The following MYO10 variants were observed in gnomAD, a reference collection of about 807,000 sequenced individuals.
The protein encoded by MYO10 is unconventional myosin-X.
Under a neutral mutation model 257.3 loss-of-function variants are expected in MYO10, and 133 were observed. The observed-to-expected ratio is 0.52, with a 90% confidence interval of 0.45 to 0.60. The LOEUF (loss-of-function observed/expected upper bound fraction) is 0.60. Ranked by LOEUF, MYO10 falls within the 20% of genes least tolerant of loss-of-function variation. The pLI is 0.00. For missense variants in MYO10, 2,399 were observed against 2,635.7 expected (o/e 0.91, Z 1.97); for synonymous variants, 1,104 against 1,028.6 (o/e 1.07, Z -1.40).
chr5:16,880,120 C>T (rs1744715572), intron 1 of MYO10, among the ~76,000 whole-genome samples: 2 of 152,152 alleles, frequency 1.3e-5, no homozygotes. Flanking sequence ...GCAGAGGTTA[C>T]ACTGAATTGA....
At chr5:16,919,073 G>A (rs1349669044) in intron 1 of MYO10, among the ~76,000 whole-genome samples, 2 of 151,986 alleles carry the variant, frequency 1.3e-5, no homozygotes, top group South Asian at 2.1e-4. Flanking sequence ...CTATTCTTCC[G>A]ACTTCAAAAG....
rs1011040804 is a variant in MYO10 at position 16,733,562 on chromosome 5, A to C, written c.1929+21266T>G. 7.9e-5 allele frequency among the ~76,000 whole-genome samples: 12 copies of C among 152,142 alleles called. 1 individual carries two copies. The highest frequency in any genetic ancestry group is 7.9e-4 in the Admixed American group (12 of 15,268). The stretch of plus-strand genomic sequence containing the variant: ...TAAATTCTGCTTTCCAGAAGGAAGG[A>C]AGGCCTGGTGGGAAGAGGGTATTGG... On this transcript the variant is annotated intron_variant, in intron 19 of 40. Coordinates refer to ENST00000513610, the MANE Select transcript of MYO10 (RefSeq NM_012334.3).
intron 39 of MYO10, among the ~76,000 whole-genome samples, chr5:16,669,725 AG>A (rs1216236057): frequency 1.3e-5 from 2 of 152,238 alleles, no homozygotes; most frequent in African/African-American, 4.8e-5. Flanking sequence ...TATAATATTT[AG>A]AATTTTATAC....
chr5:16,684,477 C>T (rs1737152170), intron 29 of MYO10, among the ~76,000 whole-genome samples: 1 of 152,184 alleles, frequency 6.6e-6, no homozygotes, highest in Non-Finnish European at 1.5e-5. Context: ...CTGGCGGCCT[C>T]AAGTGATCCA....
At chr5:16,724,134 G>T (rs898732713) in intron 19 of MYO10, among the ~76,000 whole-genome samples, 2 of 152,136 alleles carry the variant, frequency 1.3e-5, no homozygotes, top group Non-Finnish European at 2.9e-5. Flanking sequence ...TAAATGAATC[G>T]ACCTCACTAA....
intron 19 of MYO10, among the ~76,000 whole-genome samples, chr5:16,751,906 C>A (rs958280732): frequency 2.0e-5 from 3 of 152,124 alleles, no homozygotes; most frequent in African/African-American, 7.2e-5. Context: ...CAAATGCAAA[C>A]GTGAGGTTGA....
chr5:16,861,430 G>A (rs1744105382), intron 2 of MYO10, among the ~76,000 whole-genome samples: 3 of 152,064 alleles, frequency 2.0e-5, no homozygotes, highest in Admixed American at 2.0e-4. Flanking sequence ...AATTAGCAAG[G>A]CATGGTGGGC....
chr5:16,805,120 G>C (rs1277245410), intron 3 of MYO10, among the ~76,000 whole-genome samples: 1 of 152,082 alleles, frequency 6.6e-6, no homozygotes, highest in Non-Finnish European at 1.5e-5. Flanking sequence ...GCTGGAGGTG[G>C]GGAAAGAGCT....
intron 4 of MYO10, among the ~76,000 whole-genome samples, chr5:16,784,057 A>G (rs552267460): frequency 6.6e-6 from 1 of 152,320 alleles, no homozygotes; most frequent in South Asian, 2.1e-4. Context: ...AAGTCCTGCC[A>G]AGGTCACGTG....
intron 39 of MYO10, 146 bp from the exon 40 acceptor site, chr5:16,668,614 A>T: frequency 1.7e-6 from 1 of 574,382 alleles, no homozygotes; most frequent in South Asian, 3.8e-5. Context: ...AGGGGCCTGA[A>T]ATATGAAAAA....
chr5:16,854,807 A>G (rs2625204), intron 2 of MYO10, among the ~76,000 whole-genome samples: 94,841 of 151,730 alleles, frequency 0.63, 30,385 homozygotes, highest in African/African-American at 0.78. Flanking sequence ...TGAGGCAGGT[A>G]GACTCCCTGA....
At chr5:16,859,694 C>G (rs1462960093) in intron 2 of MYO10, among the ~76,000 whole-genome samples, 1 of 152,152 alleles carries the variant, frequency 6.6e-6, no homozygotes, top group Non-Finnish European at 1.5e-5. Flanking sequence ...CTGTAGTGAG[C>G]CATGATCATG....
At chr5:16,736,526 G>A (rs1739812002) in intron 19 of MYO10, among the ~76,000 whole-genome samples, 1 of 152,132 alleles carries the variant, frequency 6.6e-6, no homozygotes, top group African/African-American at 2.4e-5. Flanking sequence ...GTCAAATGAT[G>A]TCACGACCAG....
chr5:16,904,508 G>C (rs10474725), intron 1 of MYO10, among the ~76,000 whole-genome samples: 6,543 of 152,252 alleles, frequency 0.043, 470 homozygotes, highest in African/African-American at 0.15. Context: ...CAACCTGTGG[G>C]GTCTGACGCC....
At chr5:16,671,990 A>C (rs1342100341) in intron 37 of MYO10, among the ~76,000 whole-genome samples, 2 of 152,206 alleles carry the variant, frequency 1.3e-5, no homozygotes, top group Non-Finnish European at 2.9e-5. Flanking sequence ...ATGAAGTCAC[A>C]GATCAAATAG....
intron 1 of MYO10, among the ~76,000 whole-genome samples, chr5:16,934,899 C>T (rs78660321): frequency 1.3e-5 from 2 of 152,170 alleles, no homozygotes; most frequent in Non-Finnish European, 2.9e-5. Context: ...AGAAAACATT[C>T]CCTGGCTTTC....
chr5:16,918,502 T>TTTC (rs1456802310), intron 1 of MYO10, among the ~76,000 whole-genome samples: 2 of 129,606 alleles, frequency 1.5e-5, no homozygotes, highest in African/African-American at 5.7e-5. Flanking sequence ...TTTCTTTTCT[T>TTTC]TTTTTTTTTT....
intron 1 of MYO10, among the ~76,000 whole-genome samples, chr5:16,932,968 C>T (rs933328891): frequency 6.6e-6 from 1 of 152,080 alleles, no homozygotes; most frequent in Non-Finnish European, 1.5e-5. Context: ...CATGTTGCCC[C>T]GGCTGGTCTT....
At chr5:16,880,217 G>A (rs754612970) in intron 1 of MYO10, among the ~76,000 whole-genome samples, 3 of 150,132 alleles carry the variant, frequency 2.0e-5, no homozygotes, top group Non-Finnish European at 4.4e-5. Flanking sequence ...CCACAAGCCA[G>A]GACCTCAAAT....
Sources: allele counts gnomAD v4.1 joint callset (sites outside exome capture counted in the v4.1 genomes callset), GRCh38; gene constraint gnomAD v4.1.1; transcripts MANE v1.5; gene names NCBI Gene and HGNC (gene_info 2026-07-23, HGNC 2026-07-21).